CLIP1: variants seen among roughly 807,000 people sequenced by gnomAD.
CLIP1 encodes the protein CAP-Gly domain containing linker protein 1, also known as CAP-Gly domain-containing linker protein 1.
CLIP1 carries 66 observed loss-of-function variants against 161.6 expected under a neutral mutation model. That is an observed-to-expected ratio of 0.41 (90% CI 0.33 to 0.50). CLIP1 has a LOEUF of 0.50. CLIP1 is among the 20% of genes least tolerant of loss of function. CLIP1 has a pLI of 0.27. For missense variants in CLIP1, 1,376 were observed against 1,702.0 expected (o/e 0.81, Z 3.37); for synonymous variants, 598 against 626.2 (o/e 0.96, Z 0.67).
intron 3 of CLIP1, among the ~76,000 whole-genome samples, chr12:122,375,404 C>T (rs1954670437): frequency 6.6e-6 from 1 of 152,044 alleles, no homozygotes; most frequent in Admixed American, 6.6e-5. Flanking sequence ...GCAACCTCCC[C>T]ATCCTGGGTT....
intron 15 of CLIP1, among the ~76,000 whole-genome samples, chr12:122,330,598 T>TG (rs1566125365): frequency 1.4e-4 from 2 of 14,082 alleles, no homozygotes; most frequent in African/African-American, 3.9e-4. Flanking sequence ...TATAATGCAG[T>TG]TTTTTTTTTT....
chr12:122,356,443 G>A (rs1953367350), intron 5 of CLIP1, among the ~76,000 whole-genome samples: 1 of 152,154 alleles, frequency 6.6e-6, no homozygotes, highest in Admixed American at 6.5e-5. Context: ...CTATTCCCAT[G>A]ACGAAAATGA....
intron 10 of CLIP1, chr12:122,343,970 C>T (rs1234932062): frequency 1.3e-5 from 2 of 152,284 alleles, no homozygotes; most frequent in Admixed American, 6.5e-5. Context: ...ATATACCTAG[C>T]ACTTTGGGAG....
At position 122,377,464 on chromosome 12, in the gene CLIP1, T is replaced by C. The variant is rs764511753; in HGVS notation, c.582A>G (p.Glu194=). ...CAGCCTCTGAAAGGTTGGAGATAGA[T>C]TCACTGGCAGTTTTTGTAAGGTTGC... ...PISNLTKTAS[E]SISNLSEAGS... The change falls in exon 3 of 26, where the codon GAA becomes GAG. Residue 194 remains glutamate, a synonymous_variant. Coordinates refer to ENST00000620786, the MANE Select transcript of CLIP1 (RefSeq NM_001247997.2). The C allele has an allele frequency of 1.2e-6, 2 of 1,614,022 alleles. No individual in the cohort carries two copies. Among genetic ancestry groups the C allele is most frequent in the African/African-American group, 1.3e-5 (1 of 74,904 alleles).
At chr12:122,290,875 T>A (rs1376933631) in intron 20 of CLIP1, among the ~76,000 whole-genome samples, 21 of 151,462 alleles carry the variant, frequency 1.4e-4, no homozygotes, top group African/African-American at 4.6e-4. Flanking sequence ...TTATTTTTTT[T>A]TATTTTTTTT....
At position 122,328,113 on chromosome 12, in the gene CLIP1, C is replaced by T. The variant is rs200040604; in HGVS notation, c.3083G>A (p.Arg1028Lys). ...SHNQCQELKA[R>K]YERATSETKT... Reference sequence around the variant, plus strand: ...TGTCTCAGAAGTGGCTCTCTCATACCTGGCTTTCAGCTCCTGACACTGGTT... The same window carrying T: ...TGTCTCAGAAGTGGCTCTCTCATACTTGGCTTTCAGCTCCTGACACTGGTT... The change falls in exon 17 of 26, where the codon AGG becomes AAG. Residue 1028 changes from arginine (R) to lysine (K), a missense_variant. Arg to Lys is a conservative substitution (Grantham distance 26, BLOSUM62 2). Around this residue, in one of 6 missense-constraint regions of CLIP1, gnomAD observed 948 missense variants for 1,134.8 expected, o/e 0.84. Transcript: ENST00000620786. The T allele has an allele frequency of 1.2e-6, 2 of 1,614,180 alleles. No homozygotes were observed. The highest frequency in any genetic ancestry group is 2.7e-5 in the African/African-American group (2 of 75,038).
chr12:122,406,745 T>C (rs1047751823), intron 1 of CLIP1, among the ~76,000 whole-genome samples: 1 of 152,112 alleles, frequency 6.6e-6, no homozygotes, highest in African/African-American at 2.4e-5. Flanking sequence ...AGGACAGGAT[T>C]AAAAACTAAC....
intron 1 of CLIP1, among the ~76,000 whole-genome samples, chr12:122,385,147 G>C (rs1955197504): frequency 6.6e-6 from 1 of 151,946 alleles, no homozygotes; most frequent in Admixed American, 6.6e-5. Context: ...TGGCCAGGAT[G>C]GTCTCAATCT....
chr12:122,421,605 G>A (rs1956945863), intron 1 of CLIP1, among the ~76,000 whole-genome samples: 1 of 152,130 alleles, frequency 6.6e-6, no homozygotes, highest in South Asian at 2.1e-4. Context: ...CCCAAGTTTT[G>A]CTAAAAACAG....
intron 20 of CLIP1, among the ~76,000 whole-genome samples, chr12:122,302,034 G>A (rs1455836431): frequency 1.3e-5 from 2 of 152,072 alleles, no homozygotes; most frequent in Non-Finnish European, 2.9e-5. Flanking sequence ...TCTGCAGTTG[G>A]GTTGGTTTTT....
intron 1 of CLIP1, among the ~76,000 whole-genome samples, chr12:122,393,371 A>G (rs1452897501): frequency 6.6e-6 from 1 of 151,700 alleles, no homozygotes; most frequent in East Asian, 2.0e-4. Flanking sequence ...CATATTGGCC[A>G]GGAGGGTCTC....
At chr12:122,317,790 C>A (rs1951329076) in intron 18 of CLIP1, among the ~76,000 whole-genome samples, 1 of 152,188 alleles carries the variant, frequency 6.6e-6, no homozygotes, top group African/African-American at 2.4e-5. Context: ...ACCTAACATT[C>A]CAGATTAACA....
At chr12:122,303,574 T>C (rs1251334359) in intron 20 of CLIP1, among the ~76,000 whole-genome samples, 1 of 152,182 alleles carries the variant, frequency 6.6e-6, no homozygotes, top group Non-Finnish European at 1.5e-5. Flanking sequence ...TTTCCTGAGA[T>C]TTTTCTTCAG....
intron 1 of CLIP1, among the ~76,000 whole-genome samples, chr12:122,413,999 C>T (rs1009632810): frequency 6.6e-6 from 1 of 152,124 alleles, no homozygotes; most frequent in Non-Finnish European, 1.5e-5. Flanking sequence ...TGACAAACTA[C>T]AAGCAACAAA....
At chr12:122,417,987 C>A (rs571037948) in intron 1 of CLIP1, among the ~76,000 whole-genome samples, 2 of 152,112 alleles carry the variant, frequency 1.3e-5, no homozygotes, top group Non-Finnish European at 2.9e-5. Context: ...CCAGCTAGGT[C>A]TCCTCTTGCT....
Position 122,279,510 on chromosome 12 carries a change from GAATA to G in CLIP1, c.3648-369_3648-366del, listed in dbSNP as rs1955561595. ...CCCAAGTTGAAGTTTGTTAATTCTT[GAATA>G]AATTATTACCAAGCAATAACGACAA... is the stretch of plus-strand genomic sequence containing the variant. On this transcript the variant is annotated intron_variant, in intron 21 of 25. Transcript: ENST00000620786. This position sits in a 1 kb window ranked among gnomAD's most constrained non-coding sequence, Gnocchi z 4.5. 2 of 154,348 alleles carry G rather than the reference GAATA, an allele frequency of 1.3e-5. No homozygotes were observed. Among genetic ancestry groups the G allele is most frequent in the African/African-American group, 4.8e-5 (2 of 41,306 alleles). 9.6% of individuals were successfully genotyped at this position (154,348 alleles called of 1,614,324 possible). A position where few individuals can be genotyped will look rare whatever the true frequency, so the allele number is the denominator to read the frequency against.
At chr12:122,283,461 CTTT>C (rs1305137720) in intron 21 of CLIP1, among the ~76,000 whole-genome samples, 5 of 140,208 alleles carry the variant, frequency 3.6e-5, no homozygotes, top group Non-Finnish European at 4.7e-5. Flanking sequence ...TCTTTCTTTT[CTTT>C]TTTTTTTTTT....
At chr12:122,405,680 C>A (rs367934699) in intron 1 of CLIP1, among the ~76,000 whole-genome samples, 2 of 150,872 alleles carry the variant, frequency 1.3e-5, no homozygotes, top group African/African-American at 2.4e-5. Context: ...CCCAGCTACT[C>A]GGGAGGCTGA....
chr12:122,348,997 ATTT>A (rs1268806455), intron 9 of CLIP1, among the ~76,000 whole-genome samples: 11 of 152,202 alleles, frequency 7.2e-5, no homozygotes, highest in African/African-American at 2.6e-4. Context: ...GAACAAAAAA[ATTT>A]TTTTTAATTC....
Sources: gnomAD v4.1 joint callset for allele counts (sites outside exome capture counted in the v4.1 genomes callset) on GRCh38, gnomAD v4.1.1 for gene constraint, gnomAD v4.1.1 regional missense constraint, Gnocchi (gnomAD v3.1) non-coding constraint, MANE v1.5 for transcripts, NCBI Gene and HGNC (gene_info 2026-07-23, HGNC 2026-07-21) for gene names.